Variants in CISTR observed in about 807,000 individuals in gnomAD.
The protein encoded by CISTR is chondrogenic regulator lncRNA.
intron 1 of CISTR, among the ~76,000 whole-genome samples, chr12:53,754,047 A>G (rs1467523053): frequency 6.6e-6 from 1 of 152,002 alleles, no homozygotes; most frequent in East Asian, 1.9e-4. Flanking sequence ...TGCTCAGGCT[A>G]TGAAATGTAG....
intron 2 of CISTR, among the ~76,000 whole-genome samples, chr12:53,749,442 C>T (rs1466708916): frequency 6.6e-6 from 1 of 151,786 alleles, no homozygotes; most frequent in Non-Finnish European, 1.5e-5. Flanking sequence ...AGGCAGGGCA[C>T]CTATCTACCT....
At chr12:53,747,705 G>A (rs147288887) in intron 2 of CISTR, among the ~76,000 whole-genome samples, 4 of 152,206 alleles carry the variant, frequency 2.6e-5, no homozygotes, top group African/African-American at 9.6e-5. Flanking sequence ...GATAAAATAG[G>A]AGCTGACCAT....
intron 2 of CISTR, among the ~76,000 whole-genome samples, chr12:53,746,918 C>T (rs1390647326): frequency 1.3e-5 from 2 of 152,228 alleles, no homozygotes; most frequent in East Asian, 3.8e-4. Context: ...CCAACAGTTT[C>T]CCTAGTTTTG....
exon 3 of CISTR, among the ~76,000 whole-genome samples, chr12:53,746,743 A>C (rs1311544037): frequency 6.6e-6 from 1 of 152,146 alleles, no homozygotes; most frequent in South Asian, 2.1e-4. Flanking sequence ...CGACGTCTGG[A>C]TCTGTAGGGA....
chr12:53,755,982 C>T (rs549972859), intron 1 of CISTR: 1 of 152,298 alleles, frequency 6.6e-6, no homozygotes, highest in East Asian at 1.9e-4. Flanking sequence ...CTTTCTCCTC[C>T]TAAGTGTCTT....
intron 2 of CISTR, among the ~76,000 whole-genome samples, chr12:53,749,312 A>G (rs1937818896): frequency 6.6e-6 from 1 of 151,688 alleles, no homozygotes; most frequent in South Asian, 2.1e-4. Flanking sequence ...GTGTGTGTAT[A>G]TATATATATA....
exon 3 of CISTR, among the ~76,000 whole-genome samples, chr12:53,746,604 AGAGAGCTT>A: frequency 6.6e-6 from 1 of 152,320 alleles, no homozygotes. Flanking sequence ...TTCAGGGACT[AGAGAGCTT>A]GAGAAGGGAT....
At chr12:53,754,846 A>G (rs1937898463) in intron 1 of CISTR, among the ~76,000 whole-genome samples, 1 of 152,214 alleles carries the variant, frequency 6.6e-6, no homozygotes, top group East Asian at 1.9e-4. Context: ...CACTAAAAGG[A>G]TCTGTTTACA....
Position 53,751,179 on chromosome 12 carries a change from A to G in CISTR, n.415-214T>C, listed in dbSNP as rs923467242. ...GCCCACAGGCCTCCGCACGCACAGG[A>G]CACACACACACACTCTCTCCTGGCC... is the stretch of plus-strand genomic sequence containing the variant. On this transcript the variant is annotated intron_variant and non_coding_transcript_variant, in intron 1 of 2. Coordinates refer to ENST00000669269, the Ensembl canonical transcript of CISTR. This position sits in a 1 kb window ranked among gnomAD's most constrained non-coding sequence, Gnocchi z 4.6. Among the ~76,000 whole-genome samples the G allele has an allele frequency of 3.3e-5, 5 of 151,682 alleles. No homozygotes were observed. Among genetic ancestry groups the G allele is most frequent in the Admixed American group, 2.6e-4 (4 of 15,222 alleles).
intron 2 of CISTR, among the ~76,000 whole-genome samples, chr12:53,747,121 G>C (rs1937791893): frequency 6.6e-6 from 1 of 152,180 alleles, no homozygotes; most frequent in East Asian, 1.9e-4. Context: ...GGGTCACTCA[G>C]AGTTTTAAAA....
chr12:53,749,718 A>G (rs1937824876), intron 2 of CISTR, among the ~76,000 whole-genome samples: 1 of 152,168 alleles, frequency 6.6e-6, no homozygotes, highest in African/African-American at 2.4e-5. Context: ...AGCTCTGAGC[A>G]TCTGCACCAG....
intron 2 of CISTR, among the ~76,000 whole-genome samples, chr12:53,748,293 G>C (rs544126325): frequency 1.4e-4 from 22 of 152,292 alleles, no homozygotes; most frequent in African/African-American, 4.3e-4. Context: ...AGCCCTCCGC[G>C]CCAGCGCCCC....
chr12:53,748,365 A>G (rs1937806317), intron 2 of CISTR, among the ~76,000 whole-genome samples: 1 of 152,134 alleles, frequency 6.6e-6, no homozygotes, highest in Non-Finnish European at 1.5e-5. Flanking sequence ...GAGATGACGG[A>G]CACACAGACA....
At chr12:53,746,759 G>C (rs1937786360) in exon 3 of CISTR, among the ~76,000 whole-genome samples, 1 of 152,200 alleles carries the variant, frequency 6.6e-6, no homozygotes, top group Non-Finnish European at 1.5e-5. Flanking sequence ...AGGGAGCGCT[G>C]TTCTCTGCCG....
intron 2 of CISTR, among the ~76,000 whole-genome samples, chr12:53,747,583 A>C (rs1042421819): frequency 6.6e-6 from 1 of 152,080 alleles, no homozygotes; most frequent in African/African-American, 2.4e-5. Flanking sequence ...TGGCAGGTGT[A>C]GCTGGGGATA....
In CISTR at chr12:53,751,878, C is replaced by G. The variant is rs998697084; in HGVS notation, n.415-913G>C. On this transcript the variant is annotated intron_variant and non_coding_transcript_variant, in intron 1 of 2. Coordinates refer to ENST00000669269, the Ensembl canonical transcript of CISTR. This position sits in a 1 kb window ranked among gnomAD's most constrained non-coding sequence, Gnocchi z 4.6. ...CTCTCTCCCGCCTCTTTTCCTCCCC[C>G]GCTCCCTCTCTCCTTGCGGCTGACT... 1 of 153,000 alleles carries G rather than the reference C, an allele frequency of 6.5e-6. No individual in the cohort carries two copies. 9.5% of individuals were successfully genotyped at this position (153,000 alleles called of 1,614,324 possible).
At chr12:53,753,107 T>G (rs1299479365) in intron 1 of CISTR, among the ~76,000 whole-genome samples, 1 of 143,690 alleles carries the variant, frequency 7.0e-6, no homozygotes, top group African/African-American at 2.6e-5. Context: ...GACACACGTG[T>G]CCTTTGAGAT....
chr12:53,755,344 G>GTGT (rs1593111621), intron 1 of CISTR, among the ~76,000 whole-genome samples: 1 of 109,680 alleles, frequency 9.1e-6, no homozygotes, highest in African/African-American at 3.6e-5. Context: ...TGTGTGTGTG[G>GTGT]TAGGAAATGT....
chr12:53,755,256 TC>T (rs1937901679), intron 1 of CISTR, among the ~76,000 whole-genome samples: 1 of 151,824 alleles, frequency 6.6e-6, no homozygotes, highest in Non-Finnish European at 1.5e-5. Flanking sequence ...TGGAGGCCAA[TC>T]CCCTAGAAAA....
Sources: gnomAD v4.1 joint callset for allele counts (sites outside exome capture counted in the v4.1 genomes callset) on GRCh38, gnomAD v4.1.1 for gene constraint, Gnocchi (gnomAD v3.1) non-coding constraint, MANE v1.5 for transcripts, NCBI Gene and HGNC (gene_info 2026-07-23, HGNC 2026-07-21) for gene names.